The following CRAT variants were observed in gnomAD, a reference collection of about 807,000 sequenced individuals.
The protein encoded by CRAT is carnitine acetylase.
Under a neutral mutation model 73.7 loss-of-function variants are expected in CRAT, and 66 were observed. The ratio of observed to expected loss-of-function variants is 0.90; its 90% CI spans 0.73 to 1.10. The LOEUF (loss-of-function observed/expected upper bound fraction) is 1.10, where lower values mean the gene tolerates loss of function less well. Among genes scored for constraint, CRAT ranks in the 50% least tolerant of loss-of-function variants. The pLI is 0.00. For synonymous variants in CRAT, 321 were observed against 343.2 expected (o/e 0.94, Z 0.71); for missense variants, 745 against 846.9 (o/e 0.88, Z 1.49).
rs1232757888 is a variant in CRAT, at chr9:129,100,510, C to T, written c.984+1G>A. The stretch of plus-strand genomic sequence containing the variant: ...GTGGGCGAAGCCCTGCCGGGCCTCA[C>T]CTGCAGCGTCTTGTCGAACCAGCGG... On this transcript the variant is annotated splice_donor_variant, in intron 7 of 13. Coordinates refer to ENST00000318080, the MANE Select transcript of CRAT (RefSeq NM_000755.5). LOFTEE classifies it high-confidence loss of function. 1 of 1,612,090 alleles carries T rather than the reference C, an allele frequency of 6.2e-7. No homozygotes were observed. The highest frequency in any genetic ancestry group is 8.5e-7 in the Non-Finnish European group (1 of 1,179,224).
At chr9:129,104,383 G>T in intron 2 of CRAT, 77 bp from the exon 3 acceptor site, 1 of 1,209,824 alleles carries the variant, frequency 8.3e-7, no homozygotes, top group Non-Finnish European at 1.2e-6. Flanking sequence ...TAGGGGACCT[G>T]GCTGGCCCCC....
In CRAT at chr9:129,106,786, G is replaced by C. The variant is rs1033068646; in HGVS notation, c.291+1028C>G. 2.6e-5 allele frequency among the ~76,000 whole-genome samples: 4 copies of C among 151,976 alleles called. No homozygotes were observed. Among genetic ancestry groups the C allele is most frequent in the African/African-American group, 9.7e-5 (4 of 41,346 alleles). ...ACCCCCTATAACACAGCATTTCCCA[G>C]GGCCGGACCCGCTCTGGCTCTCCCA... On this transcript the variant is annotated intron_variant, in intron 2 of 13. Transcript: ENST00000318080. The surrounding 1 kb of genome is among the most constrained non-coding windows in gnomAD (Gnocchi z 4.0).
rs1409754786 is a variant in CRAT at position 129,104,245 on chromosome 9, G to A, written c.353C>T (p.Ser118Leu). 6 of 1,613,464 alleles carry A rather than the reference G, an allele frequency of 3.7e-6. No individual in the cohort carries two copies. Among genetic ancestry groups the A allele is most frequent in the Admixed American group, 3.3e-5 (2 of 59,956 alleles). The change falls in exon 3 of 14, where the codon TCG becomes TTG. Residue 118 changes from serine (S) to leucine (L), a missense_variant. By Grantham distance (145) the Ser-to-Leu change is moderately radical. Coordinates refer to ENST00000318080, the MANE Select transcript of CRAT (RefSeq NM_000755.5). Reference protein sequence around the residue: ...LQYRQPVVIYSSPGVMLPKQD... With the variant: ...LQYRQPVVIYLSPGVMLPKQD... ...CTTGGGTAGCATCACGCCTGGGCTC[G>A]AGTAGATGACCACAGGCTGGCGGTA...
Position 129,095,076 on chromosome 9 carries a change from C to G in CRAT, c.*321G>C. 2.5e-6 allele frequency: 1 copy of G among 399,764 alleles called. No individual in the cohort carries two copies. Among genetic ancestry groups the G allele is most frequent in the Non-Finnish European group, 4.6e-6 (1 of 216,068 alleles). The allele number at this position is 399,764 out of a possible 1,614,324, so 24.8% of individuals were successfully genotyped here. ...GAGCTGGTGAGACAAAGAGCTCTTG[C>G]CAGTCTCCTGCTCTGGAGGGCTGGT... is the stretch of plus-strand genomic sequence containing the variant. On this transcript the variant is annotated 3_prime_UTR_variant, in exon 14 of 14. Coordinates refer to ENST00000318080, the MANE Select transcript of CRAT (RefSeq NM_000755.5).
At chr9:129,102,659 C>G (rs1339433352) in intron 4 of CRAT, 94 bp from the exon 5 acceptor site, 1 of 1,410,220 alleles carries the variant, frequency 7.1e-7, no homozygotes, top group East Asian at 2.3e-5. Flanking sequence ...GCTGGGGGCT[C>G]ACACAGTGTC....
Position 129,106,465 on chromosome 9 carries a change from C to T in CRAT, c.291+1349G>A, listed in dbSNP as rs1488760526. 3.3e-5 allele frequency among the ~76,000 whole-genome samples: 5 copies of T among 152,090 alleles called. No homozygotes were observed. The highest frequency in any genetic ancestry group is 7.4e-5 in the Non-Finnish European group (5 of 68,012). Reference sequence around the variant, plus strand: ...CCCGCAGGTATGGGTACTCCCCCAGCGAGAATCTGCCAGGTGGTGGCGGAG... The same window carrying T: ...CCCGCAGGTATGGGTACTCCCCCAGTGAGAATCTGCCAGGTGGTGGCGGAG... On this transcript the variant is annotated intron_variant, in intron 2 of 13. Transcript: ENST00000318080. This position sits in a 1 kb window ranked among gnomAD's most constrained non-coding sequence, Gnocchi z 4.0.
Position 129,101,909 on chromosome 9 carries a change from G to A in CRAT, c.779C>T (p.Ala260Val), listed in dbSNP as rs1035364698. ...TTTGATGAGGGTGTTGTATGCCTTG[G>A]CCCAGGAGTTGCGGTGGTTGGAGGT... Reference protein sequence around the residue: ...ILTSNHRNSWAKAYNTLIKDK... With the variant: ...ILTSNHRNSWVKAYNTLIKDK... The change falls in exon 6 of 14, where the codon GCC (alanine) becomes GTC (valine). Residue 260 changes from alanine to valine, a missense_variant. Ala to Val is a moderately conservative substitution (Grantham distance 64). Transcript: ENST00000318080. The A allele has an allele frequency of 9.9e-6, 16 of 1,614,092 alleles. No homozygotes were observed. The highest frequency in any genetic ancestry group is 1.4e-5 in the Non-Finnish European group (16 of 1,180,008).
intron 6 of CRAT, 121 bp from the exon 7 acceptor site, chr9:129,100,810 G>A (rs1423407489): frequency 6.6e-6 from 8 of 1,218,834 alleles, no homozygotes; most frequent in African/African-American, 1.5e-5. Context: ...TCTCTGGGAT[G>A]AGGAGACCCC....
chr9:129,096,654 G>A (rs897532935), intron 12 of CRAT, among the ~76,000 whole-genome samples: 13 of 152,238 alleles, frequency 8.5e-5, no homozygotes, highest in South Asian at 2.1e-4. Context: ...TATACCTAGC[G>A]TCAGGGAGAG....
At chr9:129,102,168 G>A (rs2131465962) in intron 5 of CRAT, 111 bp from the exon 6 acceptor site, 1 of 1,320,274 alleles carries the variant, frequency 7.6e-7, no homozygotes, top group Non-Finnish European at 1.0e-6. Flanking sequence ...AGGGGATGGA[G>A]TCAGGCCAAG....
At chr9:129,102,365 G>T (rs760948328) in intron 5 of CRAT, 35 bp downstream of exon 5, 8 of 1,613,110 alleles carry the variant, frequency 5.0e-6, no homozygotes, top group Non-Finnish European at 6.8e-6. Context: ...CTGCAGCAGG[G>T]CCGGGGCTTG....
At chr9:129,097,444 C>T in intron 11 of CRAT, 132 bp from the exon 12 acceptor site, 1 of 646,364 alleles carries the variant, frequency 1.5e-6, no homozygotes, top group Non-Finnish European at 2.5e-6. Context: ...AGCGGTGGCT[C>T]ACGCCTGTAA....
rs1016711381 is a variant in CRAT at position 129,102,153 on chromosome 9, C to T, written c.631-96G>A. ...ACACCTGCCTCCTCCTGGCCTTGGC[C>T]TTGGAGGGGATGGAGTCAGGCCAAG... On this transcript the variant is annotated intron_variant, in intron 5 of 13. Transcript: ENST00000318080. The T allele has an allele frequency of 8.5e-6, 12 of 1,419,614 alleles. No individual in the cohort carries two copies. The East Asian group carries it at 2.2e-4, about 25-fold the overall frequency. The allele number at this position is 1,419,614 out of a possible 1,614,324, so 87.9% of individuals were successfully genotyped here.
intron 1 of CRAT, among the ~76,000 whole-genome samples, chr9:129,109,905 G>C (rs1397205411): frequency 1.3e-5 from 2 of 151,062 alleles, no homozygotes; most frequent in Non-Finnish European, 3.0e-5. Flanking sequence ...AGCCAGGGTG[G>C]GGAAGGGGGC....
chr9:129,100,254 G>A, intron 7 of CRAT: 1 of 586,558 alleles, frequency 1.7e-6, no homozygotes, highest in Non-Finnish European at 3.0e-6. Context: ...GATTGCACTG[G>A]TGACCCCGGA....
chr9:129,107,590 G>T lies in CRAT; in HGVS notation c.291+224C>A, dbSNP rs1317353897. ...GAACATGAAACCTTGTCCACAACCT[G>T]TATCCTGTTCATTACCTTTCTCTCC... On this transcript the variant is annotated intron_variant, in intron 2 of 13. Transcript: ENST00000318080. The surrounding 1 kb of genome is among the most constrained non-coding windows in gnomAD (Gnocchi z 5.0). 1 of 726,968 alleles carries T rather than the reference G, an allele frequency of 1.4e-6. No homozygotes were observed. The highest frequency in any genetic ancestry group is 2.0e-5 in the Admixed American group (1 of 49,620). The allele number at this position is 726,968 out of a possible 1,614,324, so 45.0% of individuals were successfully genotyped here.
rs1433026591 is a variant in CRAT at position 129,103,873 on chromosome 9, G to C, written c.410+315C>G. On this transcript the variant is annotated intron_variant, in intron 3 of 13. Transcript: ENST00000318080. The surrounding 1 kb of genome is among the most constrained non-coding windows in gnomAD (Gnocchi z 4.6). Reference sequence around the variant, plus strand: ...TAGCTGAGAAGAGTGGAAAGGAGAGGTGAAGTGCTAAAACTGGGGTCGGGG... The same window carrying C: ...TAGCTGAGAAGAGTGGAAAGGAGAGCTGAAGTGCTAAAACTGGGGTCGGGG... Among the ~76,000 whole-genome samples the C allele has an allele frequency of 6.6e-6, 1 of 152,166 alleles. No individual in the cohort carries two copies. The highest frequency in any genetic ancestry group is 1.5e-5 in the Non-Finnish European group (1 of 68,024).
At chr9:129,096,466 C>T (rs988195931) in intron 12 of CRAT, among the ~76,000 whole-genome samples, 2 of 152,166 alleles carry the variant, frequency 1.3e-5, no homozygotes, top group African/African-American at 4.8e-5. Flanking sequence ...AGGGGTGAGT[C>T]CTACACTCCC....
Position 129,095,298 on chromosome 9 carries a change from G to C in CRAT, c.*99C>G, listed in dbSNP as rs1847204668. On this transcript the variant is annotated 3_prime_UTR_variant, in exon 14 of 14. Coordinates refer to ENST00000318080, the MANE Select transcript of CRAT (RefSeq NM_000755.5). ...GTAGATTTGGGGGGACCAGGGAAGA[G>C]GGAACCAAGGAAGAGGGAACCAAGG... 3.8e-6 allele frequency: 5 copies of C among 1,307,112 alleles called. No individual in the cohort carries two copies. Among genetic ancestry groups the C allele is most frequent in the African/African-American group, 1.4e-5 (1 of 68,984 alleles). The allele number at this position is 1,307,112 out of a possible 1,614,324, so 81.0% of individuals were successfully genotyped here.
Sources: gnomAD v4.1 joint callset for allele counts (sites outside exome capture counted in the v4.1 genomes callset) on GRCh38, gnomAD v4.1.1 for gene constraint, Gnocchi (gnomAD v3.1) non-coding constraint, MANE v1.5 for transcripts, NCBI Gene and HGNC (gene_info 2026-07-23, HGNC 2026-07-21) for gene names.